SGCG: variants seen among roughly 807,000 people sequenced by gnomAD.
SGCG encodes gamma-sarcoglycan.
In SGCG, 26 loss-of-function variants were observed where a neutral mutation model predicts 29.3. That is an observed-to-expected ratio of 0.89 (90% CI 0.65 to 1.23). SGCG has a LOEUF of 1.23. Among genes scored for constraint, SGCG ranks in the 50% most tolerant of loss-of-function variants. The pLI is 0.00. For missense variants in SGCG, 353 were observed against 356.0 expected, an observed-to-expected ratio of 0.99 and a Z score of 0.07; for synonymous variants, 145 against 129.7, an observed-to-expected ratio of 1.12 and a Z score of -0.80.
chr13:23,304,622 C>T (rs1468266238), intron 6 of SGCG, among the ~76,000 whole-genome samples: 1 of 151,016 alleles, frequency 6.6e-6, no homozygotes, highest in African/African-American at 2.4e-5. Context: ...GGGAGGGGAG[C>T]GGATGGAGTC....
At chr13:23,279,275 A>G in intron 4 of SGCG, 84 bp from the exon 5 acceptor site, 1 of 1,262,356 alleles carries the variant, frequency 7.9e-7, no homozygotes, top group South Asian at 1.2e-5. Flanking sequence ...TTGGTATTGT[A>G]GGGTTGACGT....
At chr13:23,183,476 C>G (rs1876830435) in intron 1 of SGCG, among the ~76,000 whole-genome samples, 1 of 152,074 alleles carries the variant, frequency 6.6e-6, no homozygotes, top group South Asian at 2.1e-4. Flanking sequence ...GCAGCCATGG[C>G]TGCTCAGAAG....
At chr13:23,173,379 G>A in the SGCG span, among the ~76,000 whole-genome samples, 1 of 152,188 alleles carries the variant, frequency 6.6e-6, no homozygotes, top group Admixed American at 6.5e-5. Flanking sequence ...TTCTTGGGAA[G>A]AAAAATTGAA....
chr13:23,220,027 G>C (rs1349823232), intron 2 of SGCG, among the ~76,000 whole-genome samples: 1 of 151,462 alleles, frequency 6.6e-6, no homozygotes, highest in Non-Finnish European at 1.5e-5. Context: ...ATTTTTAGTA[G>C]AGACATGGTT....
chr13:23,181,382 C>T (rs530825927), intron 1 of SGCG, among the ~76,000 whole-genome samples: 32 of 152,238 alleles, frequency 2.1e-4, no homozygotes, highest in Admixed American at 1.2e-3. Flanking sequence ...GAATTGGATC[C>T]TGTAGTTAAT....
chr13:23,165,039 G>A, the SGCG span, among the ~76,000 whole-genome samples: 3 of 152,132 alleles, frequency 2.0e-5, no homozygotes, highest in Non-Finnish European at 2.9e-5. Context: ...TTGAGCATAA[G>A]CTCAAGATTA....
intron 5 of SGCG, 80 bp from the exon 6 acceptor site, chr13:23,295,335 A>T: frequency 8.8e-7 from 1 of 1,132,742 alleles, no homozygotes; most frequent in Non-Finnish European, 1.3e-6. Flanking sequence ...TATGTTCTTT[A>T]ATATCTAGGC....
At chr13:23,226,259 C>A (rs538494122) in intron 2 of SGCG, among the ~76,000 whole-genome samples, 22 of 151,500 alleles carry the variant, frequency 1.5e-4, no homozygotes, top group African/African-American at 5.1e-4. Flanking sequence ...AAACAGTTTG[C>A]AAATAAAAGA....
intron 3 of SGCG, among the ~76,000 whole-genome samples, chr13:23,240,542 T>C (rs1046288131): frequency 5.3e-5 from 8 of 152,224 alleles, no homozygotes; most frequent in Non-Finnish European, 1.0e-4. Flanking sequence ...ACAGGGAACA[T>C]TTATCAAGAT....
chr13:23,298,829 A>G (rs1882009897), intron 6 of SGCG, among the ~76,000 whole-genome samples: 2 of 152,208 alleles, frequency 1.3e-5, no homozygotes, highest in Non-Finnish European at 2.9e-5. Flanking sequence ...GCAGGCTCTT[A>G]CTGAAAAAGA....
chr13:23,161,711 G>A, the SGCG span, among the ~76,000 whole-genome samples: 1 of 152,194 alleles, frequency 6.6e-6, no homozygotes, highest in East Asian at 1.9e-4. Context: ...ATGACAATAT[G>A]CTTCCAAATT....
chr13:23,253,120 T>C (rs551588240), intron 4 of SGCG, among the ~76,000 whole-genome samples: 3 of 151,716 alleles, frequency 2.0e-5, no homozygotes, highest in African/African-American at 7.3e-5. Context: ...AGTGGCTCAC[T>C]CCCGTAATCC....
At chr13:23,291,137 A>G (rs1369290203) in intron 5 of SGCG, among the ~76,000 whole-genome samples, 2 of 152,246 alleles carry the variant, frequency 1.3e-5, no homozygotes, top group African/African-American at 4.8e-5. Flanking sequence ...GTCTAATCTC[A>G]ATGACATATT....
intron 3 of SGCG, among the ~76,000 whole-genome samples, chr13:23,237,198 T>G (rs1879347502): frequency 6.6e-6 from 1 of 152,226 alleles, no homozygotes; most frequent in Non-Finnish European, 1.5e-5. Context: ...AGGGCCTGTA[T>G]TGAATTCATA....
intron 6 of SGCG, among the ~76,000 whole-genome samples, chr13:23,300,831 A>AG (rs1882128228): frequency 2.1e-4 from 26 of 125,118 alleles, no homozygotes; most frequent in African/African-American, 6.3e-4. Flanking sequence ...AAAAAAAAAA[A>AG]AGGGCCGGGC....
chr13:23,247,227 A>G (rs1231500717), intron 3 of SGCG: 1 of 152,726 alleles, frequency 6.5e-6, no homozygotes, highest in Non-Finnish European at 1.5e-5. Flanking sequence ...AAAGGAGACC[A>G]GTAGCCTGAC....
intron 1 of SGCG, among the ~76,000 whole-genome samples, chr13:23,194,133 A>C (rs533343460): frequency 6.6e-6 from 1 of 152,348 alleles, no homozygotes; most frequent in African/African-American, 2.4e-5. Flanking sequence ...ATATTAGCCA[A>C]AGCTAAATAT....
chr13:23,202,517 GA>G (rs1355011004), intron 1 of SGCG, among the ~76,000 whole-genome samples: 4 of 152,126 alleles, frequency 2.6e-5, no homozygotes, highest in African/African-American at 9.7e-5. Context: ...AGTTTGGTTC[GA>G]GCCACTGGCT....
intron 1 of SGCG, among the ~76,000 whole-genome samples, chr13:23,185,716 CAG>C (rs1028547678): frequency 6.6e-6 from 1 of 152,190 alleles, no homozygotes; most frequent in Non-Finnish European, 1.5e-5. Flanking sequence ...TTCCCAAATC[CAG>C]AGAGGGGCCG....
Sources: gnomAD v4.1 joint callset for allele counts (sites outside exome capture counted in the v4.1 genomes callset) on GRCh38, gnomAD v4.1.1 for gene constraint, MANE v1.5 for transcripts, NCBI Gene and HGNC (gene_info 2026-07-23, HGNC 2026-07-21) for gene names.